Variants in CNTN5 observed in about 807,000 individuals in gnomAD.
The protein encoded by CNTN5 is contactin-5.
A neutral mutation model predicts 129.1 loss-of-function variants in CNTN5; 77 were observed. The observed-to-expected ratio is 0.60, with a 90% CI of 0.50 to 0.72. CNTN5 has a LOEUF of 0.72. Ranked by LOEUF, CNTN5 falls within the 30% of genes least tolerant of loss-of-function variation. The pLI is 0.00. For synonymous variants in CNTN5, 509 were observed against 465.6 expected (o/e 1.09, Z -1.20); for missense variants, 1,478 against 1,328.8 (o/e 1.11, Z -1.75).
chr11:99,227,258 G>A (rs1860739927), intron 1 of CNTN5, among the ~76,000 whole-genome samples: 1 of 151,964 alleles, frequency 6.6e-6, no homozygotes, highest in Non-Finnish European at 1.5e-5. Context: ...TACTCAGGAG[G>A]CTGAAGCAGG....
In CNTN5 at chr11:99,819,770, G is replaced by C; in HGVS notation, c.277+5G>C. On this transcript the variant is annotated splice_donor_5th_base_variant and intron_variant, in intron 4 of 24. Transcript: ENST00000524871. ...CAGATGCCTTCAAACAAGATGGTAA[G>C]TGTCAAAGGAAAATGGCTCCAGATA... 4 of 124,854 alleles carry C rather than the reference G, an allele frequency of 3.2e-5. No individual in the cohort carries two copies. The highest frequency in any genetic ancestry group is 2.1e-3 in the Middle Eastern group (1 of 478). The allele number at this position is 124,854 out of a possible 1,614,324, so 7.7% of individuals were successfully genotyped here.
chr11:100,022,948 A>T (rs1432090370), intron 9 of CNTN5, among the ~76,000 whole-genome samples: 1 of 151,970 alleles, frequency 6.6e-6, no homozygotes, highest in Non-Finnish European at 1.5e-5. Flanking sequence ...TGCTTTCAAG[A>T]TTATCTCTTT....
At position 100,188,300 on chromosome 11, in the gene CNTN5, C is replaced by T. The variant is rs374672209; in HGVS notation, c.1581-2826C>T. Among the ~76,000 whole-genome samples the T allele has an allele frequency of 9.7e-4, 148 of 152,046 alleles. 2 individuals are homozygous for T. The highest frequency in any genetic ancestry group is 3.2e-3 in the African/African-American group (133 of 41,482). ...CTCTACAAAACATACAAAAATTAGCCGGGTGTAGCGGGCCACAGGGGGCGA... is the reference window on the plus strand; with the variant it reads ...CTCTACAAAACATACAAAAATTAGCTGGGTGTAGCGGGCCACAGGGGGCGA... On this transcript the variant is annotated intron_variant, in intron 13 of 24. Transcript: ENST00000524871.
chr11:99,293,649 G>T (rs79188094), intron 1 of CNTN5, among the ~76,000 whole-genome samples: 2,552 of 152,054 alleles, frequency 0.017, 45 homozygotes, highest in African/African-American at 0.036. Flanking sequence ...AATATTTGAA[G>T]GTTGTATATG....
At chr11:99,611,255 A>G (rs1438605916) in intron 3 of CNTN5, among the ~76,000 whole-genome samples, 1 of 152,182 alleles carries the variant, frequency 6.6e-6, no homozygotes, top group Non-Finnish European at 1.5e-5. Flanking sequence ...TCAAAAGAAT[A>G]CTCAGCTACA....
intron 1 of CNTN5, among the ~76,000 whole-genome samples, chr11:99,304,384 T>A (rs1864781291): frequency 6.6e-6 from 1 of 152,156 alleles, no homozygotes; most frequent in South Asian, 2.1e-4. Context: ...AATAATCTGA[T>A]TAAAATCATT....
At chr11:99,775,701 C>T (rs889023151) in intron 3 of CNTN5, among the ~76,000 whole-genome samples, 2 of 151,822 alleles carry the variant, frequency 1.3e-5, no homozygotes, top group Non-Finnish European at 2.9e-5. Flanking sequence ...TGTATATTTA[C>T]CTCTGTGTGC....
chr11:100,216,199 C>T (rs548954006), intron 15 of CNTN5, among the ~76,000 whole-genome samples: 4 of 152,178 alleles, frequency 2.6e-5, no homozygotes, highest in African/African-American at 9.6e-5. Flanking sequence ...CTGCTTATTT[C>T]AAGGAGGAGT....
intron 1 of CNTN5, among the ~76,000 whole-genome samples, chr11:99,028,723 G>A (rs1863221364): frequency 6.6e-6 from 1 of 151,810 alleles, no homozygotes; most frequent in South Asian, 2.1e-4. Context: ...AATGAATGTG[G>A]CTGAGATGCT....
chr11:99,344,949 C>A (rs1396794478), intron 2 of CNTN5, among the ~76,000 whole-genome samples: 2 of 152,030 alleles, frequency 1.3e-5, no homozygotes, highest in East Asian at 3.9e-4. Context: ...ATTGGGTAGA[C>A]AAAAGAAAAG....
intron 3 of CNTN5, among the ~76,000 whole-genome samples, chr11:99,658,359 GTC>G (rs1438896409): frequency 1.3e-5 from 2 of 152,146 alleles, no homozygotes; most frequent in African/African-American, 4.8e-5. Flanking sequence ...AGAGCTAAAA[GTC>G]TGATTTGAAA....
intron 23 of CNTN5, among the ~76,000 whole-genome samples, chr11:100,343,883 G>C (rs942469755): frequency 3.3e-5 from 5 of 152,030 alleles, no homozygotes; most frequent in Non-Finnish European, 7.4e-5. Context: ...TAAGCACAAT[G>C]TGTGTCACTT....
intron 7 of CNTN5, among the ~76,000 whole-genome samples, chr11:99,940,458 T>C (rs1950410273): frequency 6.6e-6 from 1 of 152,172 alleles, no homozygotes; most frequent in Non-Finnish European, 1.5e-5. Context: ...AACATTTAAA[T>C]GGCCACATAA....
chr11:100,150,515 G>T (rs1947018349), intron 13 of CNTN5, among the ~76,000 whole-genome samples: 2 of 143,808 alleles, frequency 1.4e-5, no homozygotes, highest in South Asian at 4.9e-4. Context: ...TTATAAAACT[G>T]ATTTGTCAGT....
At chr11:99,299,992 A>G (rs1488742044) in intron 1 of CNTN5, among the ~76,000 whole-genome samples, 1 of 152,158 alleles carries the variant, frequency 6.6e-6, no homozygotes, top group East Asian at 1.9e-4. Context: ...TAGAAGTTGT[A>G]CTAATTTACA....
intron 3 of CNTN5, among the ~76,000 whole-genome samples, chr11:99,706,725 AT>A (rs576517870): frequency 5.6e-4 from 84 of 151,040 alleles, no homozygotes; most frequent in African/African-American, 7.7e-4. Context: ...CTATCTTTTA[AT>A]TTTTTTCTTG....
At chr11:100,021,357 C>T (rs1328194087) in intron 9 of CNTN5, among the ~76,000 whole-genome samples, 1 of 152,134 alleles carries the variant, frequency 6.6e-6, no homozygotes, top group African/African-American at 2.4e-5. Flanking sequence ...CTCAAATCTT[C>T]TATATCTTTA....
At chr11:100,015,680 T>C (rs1308830092) in intron 9 of CNTN5, among the ~76,000 whole-genome samples, 2 of 152,142 alleles carry the variant, frequency 1.3e-5, no homozygotes, top group Non-Finnish European at 2.9e-5. Context: ...TATTATTCTG[T>C]ACTTTTTCAA....
At chr11:99,270,057 C>T (rs1368581743) in intron 1 of CNTN5, among the ~76,000 whole-genome samples, 2 of 151,758 alleles carry the variant, frequency 1.3e-5, no homozygotes, top group Admixed American at 1.3e-4. Flanking sequence ...TCTTTATTTA[C>T]TTACCAGTCG....
Sources: allele counts gnomAD v4.1 joint callset (sites outside exome capture counted in the v4.1 genomes callset), GRCh38; gene constraint gnomAD v4.1.1; transcripts MANE v1.5; gene names NCBI Gene and HGNC (gene_info 2026-07-23, HGNC 2026-07-21).